TTC6: variants seen among roughly 807,000 people sequenced by gnomAD.
TTC6 encodes tetratricopeptide repeat protein 6.
A neutral mutation model predicts 210.4 loss-of-function variants in TTC6; 172 were observed. That is an observed-to-expected ratio of 0.82 (90% CI 0.72 to 0.93). The LOEUF (loss-of-function observed/expected upper bound fraction) is 0.93, where lower values mean the gene tolerates loss of function less well. Among genes scored for constraint, TTC6 ranks in the 40% least tolerant of loss-of-function variants. The pLI is 0.00. For missense variants in TTC6, 2,414 were observed against 2,318.1 expected (o/e 1.04, Z -0.85); for synonymous variants, 804 against 819.6 (o/e 0.98, Z 0.32).
intron 25 of TTC6, among the ~76,000 whole-genome samples, chr14:37,815,268 G>A (rs552660561): frequency 1.1e-4 from 16 of 152,152 alleles, no homozygotes; most frequent in Non-Finnish European, 1.6e-4. Flanking sequence ...AATCATAAGT[G>A]TATAGCAGTG....
chr14:37,679,555 A>G (rs967927056), intron 1 of TTC6, among the ~76,000 whole-genome samples: 57 of 152,228 alleles, frequency 3.7e-4, no homozygotes, highest in African/African-American at 1.3e-3. Context: ...GCAGTGTTTT[A>G]TACAATCTGA....
chr14:37,609,184 A>T (rs937872532), intron 2 of TTC6, among the ~76,000 whole-genome samples: 5 of 152,092 alleles, frequency 3.3e-5, no homozygotes, highest in African/African-American at 9.7e-5. Flanking sequence ...TTTGGGAGGC[A>T]GAGGTGAGAG....
intron 5 of TTC6, among the ~76,000 whole-genome samples, chr14:37,710,151 C>T (rs1006854909): frequency 6.6e-6 from 1 of 152,100 alleles, no homozygotes; most frequent in Admixed American, 6.6e-5. Flanking sequence ...TGAGCAACAT[C>T]CTGTGAAGCC....
chr14:37,597,777 C>G (rs34680705), intron 1 of TTC6, among the ~76,000 whole-genome samples: 7,465 of 152,130 alleles, frequency 0.049, 642 homozygotes, highest in African/African-American at 0.17. Context: ...CAGGCGCCTC[C>G]GGGGAGCACC....
intron 29 of TTC6, 63 bp downstream of exon 31, chr14:37,827,429 C>T: frequency 6.8e-7 from 1 of 1,478,782 alleles, no homozygotes; most frequent in Non-Finnish European, 9.3e-7. Context: ...TTATATATAG[C>T]TTCAAAGTAT....
intron 10 of TTC6, among the ~76,000 whole-genome samples, chr14:37,741,273 CTTTTTTTTTTTTTTTTT>C (rs10600031): frequency 2.2e-4 from 18 of 82,278 alleles, no homozygotes; most frequent in Admixed American, 7.1e-4. Flanking sequence ...TTTTTTCCCA[CTTTTTTTTTTTTTTTTT>C]TTTTTTTTTT....
intron 5 of TTC6, among the ~76,000 whole-genome samples, chr14:37,711,207 G>C (rs901389577): frequency 6.6e-6 from 1 of 152,138 alleles, no homozygotes; most frequent in African/African-American, 2.4e-5. Context: ...TTCTTACTCA[G>C]CCAAAATTCA....
intron 13 of TTC6, among the ~76,000 whole-genome samples, chr14:37,751,887 G>T (rs2095953246): frequency 6.7e-6 from 1 of 148,434 alleles, no homozygotes; most frequent in South Asian, 2.1e-4. Context: ...GCAGTGGTGC[G>T]ATCTCGGCTC....
chr14:37,803,814 T>C (rs72676137), intron 20 of TTC6, among the ~76,000 whole-genome samples: 14 of 152,324 alleles, frequency 9.2e-5, no homozygotes, highest in Non-Finnish European at 2.9e-5. Context: ...GGCAAGGTCA[T>C]GTGCTGAGAG....
chr14:37,697,787 G>C (rs899334068), intron 4 of TTC6, among the ~76,000 whole-genome samples: 3 of 152,122 alleles, frequency 2.0e-5, no homozygotes, highest in Non-Finnish European at 4.4e-5. Context: ...CAGACAACAA[G>C]TATTTTACCT....
chr14:37,717,746 A>G (rs2095855008), intron 6 of TTC6, among the ~76,000 whole-genome samples: 1 of 151,144 alleles, frequency 6.6e-6, no homozygotes, highest in Admixed American at 6.6e-5. Flanking sequence ...CAAAGACAGT[A>G]AAAAAAACAA....
At chr14:37,655,680 A>G (rs2095721099) in intron 1 of TTC6, among the ~76,000 whole-genome samples, 1 of 152,244 alleles carries the variant, frequency 6.6e-6, no homozygotes, top group Non-Finnish European at 1.5e-5. Context: ...ACAGGGACCA[A>G]CAGAGGACAA....
chr14:37,610,513 T>C (rs1319293138), intron 2 of TTC6, among the ~76,000 whole-genome samples: 1 of 152,230 alleles, frequency 6.6e-6, no homozygotes, highest in Non-Finnish European at 1.5e-5. Flanking sequence ...CTATATTATC[T>C]AATTGGTTTT....
chr14:37,724,667 T>C (rs903025298), intron 6 of TTC6, among the ~76,000 whole-genome samples: 1 of 152,204 alleles, frequency 6.6e-6, no homozygotes, highest in Non-Finnish European at 1.5e-5. Context: ...ATATGGCCAA[T>C]TGGCCTCCAG....
chr14:37,780,681 C>A (rs2096052106), intron 14 of TTC6, among the ~76,000 whole-genome samples: 1 of 152,022 alleles, frequency 6.6e-6, no homozygotes, highest in Non-Finnish European at 1.5e-5. Flanking sequence ...GCAGAATGTG[C>A]AGCTTTGTTA....
intron 15 of TTC6, 87 bp downstream of exon 17, chr14:37,787,724 C>A: frequency 9.0e-7 from 1 of 1,112,662 alleles, no homozygotes; most frequent in Non-Finnish European, 1.2e-6. Flanking sequence ...AATGTGGGTT[C>A]ACTAATGTAA....
intron 14 of TTC6, among the ~76,000 whole-genome samples, chr14:37,770,891 C>T (rs1267786206): frequency 2.7e-5 from 4 of 148,910 alleles, no homozygotes; most frequent in Non-Finnish European, 6.0e-5. Flanking sequence ...GCAGTTTCTT[C>T]CTAGTCTCGA....
chr14:37,807,708 C>T (rs2096121679), intron 23 of TTC6, among the ~76,000 whole-genome samples: 2 of 151,850 alleles, frequency 1.3e-5, no homozygotes, highest in Admixed American at 6.6e-5. Context: ...AGCATATATT[C>T]ATTGTAGACA....
Position 37,796,948 on chromosome 14 carries a change from G to A in TTC6, c.4029+1G>A, listed in dbSNP as rs1389485582. 5 of 1,590,068 alleles carry A rather than the reference G, an allele frequency of 3.1e-6. No homozygotes were observed. In the Admixed American group the frequency reaches 7.1e-5, roughly 23 times the overall value. On this transcript the variant is annotated splice_donor_variant, in intron 20 of 30. Transcript: ENST00000553443. LOFTEE classifies it high-confidence loss of function. ...TCAAATGAAGGCCAAGAGAACCAAG[G>A]TGAAAAGTCCTCTGAGTAATGTTTA...
Sources: allele counts gnomAD v4.1 joint callset (sites outside exome capture counted in the v4.1 genomes callset), GRCh38; gene constraint gnomAD v4.1.1; transcripts MANE v1.5; gene names NCBI Gene and HGNC (gene_info 2026-07-23, HGNC 2026-07-21).